Variants in TBC1D5 observed in about 807,000 individuals in gnomAD.
TBC1D5 encodes the protein TBC1 domain family, member 5.
A neutral mutation model predicts 100.3 loss-of-function variants in TBC1D5; 75 were observed. The observed-to-expected ratio is 0.75, with a 90% CI of 0.62 to 0.91. The LOEUF (loss-of-function observed/expected upper bound fraction) is 0.91, where lower values mean the gene tolerates loss of function less well. TBC1D5 is among the 40% of genes least tolerant of loss of function. TBC1D5 has a pLI of 0.00. For missense variants in TBC1D5, 910 were observed against 942.4 expected, an observed-to-expected ratio of 0.97 and a Z score of 0.45; for synonymous variants, 323 against 325.6, an observed-to-expected ratio of 0.99 and a Z score of 0.09.
chr3:17,468,759 T>A (rs2095338901), intron 3 of TBC1D5, among the ~76,000 whole-genome samples: 1 of 152,198 alleles, frequency 6.6e-6, no homozygotes, highest in African/African-American at 2.4e-5. Flanking sequence ...ATGATTCCTT[T>A]GAAACTGCAG....
At chr3:17,677,107 C>T (rs2068745958) in intron 1 of TBC1D5, among the ~76,000 whole-genome samples, 1 of 152,138 alleles carries the variant, frequency 6.6e-6, no homozygotes, top group Admixed American at 6.5e-5. Flanking sequence ...GACTTCAAGT[C>T]TAAAACACCA....
At position 17,355,709 on chromosome 3, in the gene TBC1D5, T is replaced by G. The variant is rs146964930; in HGVS notation, c.995+16366A>C. On this transcript the variant is annotated intron_variant, in intron 13 of 21. Transcript: ENST00000253692. ...AATCATTCACATCCCATGGTAGCGT[T>G]TTTTTTTGGTTTTTATTTCCCATAG... Among the ~76,000 whole-genome samples, 522 of 152,104 alleles carry G rather than the reference T, an allele frequency of 3.4e-3. 4 individuals are homozygous for G. The highest frequency in any genetic ancestry group is 0.011 in the African/African-American group (476 of 41,506).
At chr3:17,574,537 C>A (rs2096645931) in intron 2 of TBC1D5, among the ~76,000 whole-genome samples, 1 of 152,094 alleles carries the variant, frequency 6.6e-6, no homozygotes, top group Admixed American at 6.6e-5. Flanking sequence ...AATTCGTGGA[C>A]TGTGGCAAAG....
intron 3 of TBC1D5, among the ~76,000 whole-genome samples, chr3:17,456,428 A>G (rs961693139): frequency 2.6e-5 from 4 of 152,248 alleles, no homozygotes; most frequent in African/African-American, 9.6e-5. Flanking sequence ...ACAAGACTAT[A>G]TAAGGAGCTC....
At chr3:17,195,639 CAAAA>C (rs1445424417) in intron 18 of TBC1D5, among the ~76,000 whole-genome samples, 1 of 151,874 alleles carries the variant, frequency 6.6e-6, no homozygotes, top group African/African-American at 2.4e-5. Context: ...TAGAGACAGA[CAAAA>C]AACCGTACCC....
At chr3:17,162,711 C>G (rs2066190894) in intron 21 of TBC1D5, among the ~76,000 whole-genome samples, 1 of 152,160 alleles carries the variant, frequency 6.6e-6, no homozygotes, top group Non-Finnish European at 1.5e-5. Context: ...GAAGGACTGT[C>G]TTTTTTCTGA....
chr3:17,654,180 C>A (rs563888000), intron 1 of TBC1D5, among the ~76,000 whole-genome samples: 1 of 152,078 alleles, frequency 6.6e-6, no homozygotes, highest in Non-Finnish European at 1.5e-5. Context: ...TAGGTTCCTA[C>A]TATATTTTAA....
exon 3 of TBC1D5, chr3:17,508,591 A>G: frequency 6.5e-7 from 1 of 1,542,694 alleles, no homozygotes; most frequent in Non-Finnish European, 9.0e-7. Flanking sequence ...GGACAGCGTC[A>G]CCAAAAGTAA....
At chr3:17,457,235 C>T (rs1183422058) in intron 3 of TBC1D5, among the ~76,000 whole-genome samples, 6 of 152,030 alleles carry the variant, frequency 3.9e-5, no homozygotes, top group Non-Finnish European at 8.8e-5. Flanking sequence ...TGATGTCTGT[C>T]ATTAATTTTG....
chr3:17,630,794 G>C (rs2063424286), intron 1 of TBC1D5, among the ~76,000 whole-genome samples: 1 of 151,836 alleles, frequency 6.6e-6, no homozygotes, highest in African/African-American at 2.4e-5. Flanking sequence ...CCAGCACTTT[G>C]GGAGGCTGAG....
intron 2 of TBC1D5, among the ~76,000 whole-genome samples, chr3:17,514,930 C>T (rs2095963839): frequency 1.3e-5 from 2 of 151,178 alleles, no homozygotes; most frequent in Admixed American, 6.6e-5. Flanking sequence ...TCTTGCTGTT[C>T]CTCTTTTATA....
intron 3 of TBC1D5, among the ~76,000 whole-genome samples, chr3:17,432,483 A>G (rs1044481616): frequency 6.6e-6 from 1 of 152,182 alleles, no homozygotes; most frequent in Admixed American, 6.5e-5. Context: ...TAGCCACCCC[A>G]AGCTAATTAC....
At chr3:17,616,360 T>C (rs2062151570) in intron 2 of TBC1D5, among the ~76,000 whole-genome samples, 1 of 152,160 alleles carries the variant, frequency 6.6e-6, no homozygotes, top group Non-Finnish European at 1.5e-5. Flanking sequence ...AGAATGCATA[T>C]TCTGTTGAGT....
chr3:17,659,119 C>A (rs192355158), intron 1 of TBC1D5, among the ~76,000 whole-genome samples: 25 of 151,946 alleles, frequency 1.6e-4, no homozygotes, highest in Admixed American at 3.9e-4. Flanking sequence ...GCAACCAGAA[C>A]AAAAACATAA....
intron 3 of TBC1D5, among the ~76,000 whole-genome samples, chr3:17,480,238 A>G (rs1367112075): frequency 7.9e-6 from 1 of 126,372 alleles, no homozygotes; most frequent in African/African-American, 3.6e-5. Flanking sequence ...TGTGCCTGCA[A>G]GCACCCCTCA....
intron 2 of TBC1D5, among the ~76,000 whole-genome samples, chr3:17,585,251 G>A (rs1375423640): frequency 6.6e-6 from 1 of 152,134 alleles, no homozygotes; most frequent in Non-Finnish European, 1.5e-5. Context: ...AGATCACTTT[G>A]GGCAAGGATC....
chr3:17,574,827 T>C (rs948478035), intron 2 of TBC1D5, among the ~76,000 whole-genome samples: 4 of 152,056 alleles, frequency 2.6e-5, no homozygotes, highest in Non-Finnish European at 2.9e-5. Context: ...TCTGTTCCTA[T>C]ATATCAAAGA....
chr3:17,412,753 A>G lies in TBC1D5; in HGVS notation c.168-6227T>C, dbSNP rs555806760. On this transcript the variant is annotated intron_variant, in intron 4 of 21. Transcript: ENST00000253692. ...TTAACCCCTCTTTATGAATGAGGAA[A>G]GTAAGGTTCAGAAAAATTGAATAAC... 2.0e-5 allele frequency among the ~76,000 whole-genome samples: 3 copies of G among 152,230 alleles called. No individual in the cohort carries two copies. In the South Asian group the frequency reaches 6.2e-4, roughly 32 times the overall value.
chr3:17,543,681 TAA>T (rs748461689), intron 2 of TBC1D5, among the ~76,000 whole-genome samples: 38 of 151,984 alleles, frequency 2.5e-4, no homozygotes, highest in Non-Finnish European at 4.6e-4. Context: ...AAAAAATATA[TAA>T]GTCTATATTT....
Sources: gnomAD v4.1 joint callset for allele counts (sites outside exome capture counted in the v4.1 genomes callset) on GRCh38, gnomAD v4.1.1 for gene constraint, MANE v1.5 for transcripts, NCBI Gene and HGNC (gene_info 2026-07-23, HGNC 2026-07-21) for gene names.